MBD2: variants seen among roughly 807,000 people sequenced by gnomAD.
The protein encoded by MBD2 is methyl-CpG-binding domain protein 2.
Under a neutral mutation model 39.3 loss-of-function variants are expected in MBD2, and 9 were observed. The observed-to-expected ratio is 0.23, with a 90% CI of 0.14 to 0.40. The LOEUF (loss-of-function observed/expected upper bound fraction) is 0.40. MBD2 is among the 10% of genes least tolerant of loss of function. The probability of loss-of-function intolerance (pLI) is 1.00; values close to 1 mark genes in which losing one functional copy is unlikely to be tolerated. For synonymous variants in MBD2, 233 were observed against 211.1 expected (o/e 1.10, Z -0.90); for missense variants, 458 against 532.6 (o/e 0.86, Z 1.38).
intron 3 of MBD2, among the ~76,000 whole-genome samples, chr18:54,184,723 G>T (rs555649394): frequency 6.6e-6 from 1 of 152,266 alleles, no homozygotes; most frequent in African/African-American, 2.4e-5. Flanking sequence ...CTGTTCTAAA[G>T]ATTTCCTCAA....
At chr18:54,162,960 A>AT (rs869269036) in intron 5 of MBD2, among the ~76,000 whole-genome samples, 1 of 152,066 alleles carries the variant, frequency 6.6e-6, no homozygotes. Context: ...CTTTGTATGG[A>AT]TTTTTTTAAA....
intron 2 of MBD2, among the ~76,000 whole-genome samples, chr18:54,194,640 T>C (rs1007923204): frequency 6.6e-6 from 1 of 152,064 alleles, no homozygotes; most frequent in African/African-American, 2.4e-5. Flanking sequence ...ATTGCTAGAA[T>C]GGGACAAGGT....
At chr18:54,181,283 T>A (rs1397434833) in intron 3 of MBD2, among the ~76,000 whole-genome samples, 1 of 152,228 alleles carries the variant, frequency 6.6e-6, no homozygotes, top group Non-Finnish European at 1.5e-5. Flanking sequence ...CAGACTCTCT[T>A]GGGCTCTAGC....
At chr18:54,169,145 T>C (rs2086160395) in intron 3 of MBD2, among the ~76,000 whole-genome samples, 1 of 152,126 alleles carries the variant, frequency 6.6e-6, no homozygotes, top group South Asian at 2.1e-4. Context: ...GCAACTTCTT[T>C]GGGGTGCTAG....
intron 3 of MBD2, among the ~76,000 whole-genome samples, chr18:54,169,688 A>C (rs983966713): frequency 2.6e-5 from 4 of 152,212 alleles, no homozygotes; most frequent in Non-Finnish European, 4.4e-5. Flanking sequence ...CATAAATCCT[A>C]AACTACTCAC....
At position 54,205,983 on chromosome 18, in the gene MBD2, C is replaced by CAA. The variant is rs1158266374; in HGVS notation, c.543-828_543-827dup. Among the ~76,000 whole-genome samples, 4 of 150,296 alleles carry CAA rather than the reference C, an allele frequency of 2.7e-5. No homozygotes were observed. The East Asian group carries it at 7.7e-4, about 29-fold the overall frequency. On this transcript the variant is annotated intron_variant, in intron 1 of 6. Transcript: ENST00000256429. ...ACACACACACACACACACACACACA[C>CAA]AAATATGTGGAATCTATGTGATATC...
intron 3 of MBD2, among the ~76,000 whole-genome samples, chr18:54,177,572 C>G (rs952566617): frequency 1.3e-5 from 2 of 152,102 alleles, no homozygotes; most frequent in African/African-American, 4.8e-5. Context: ...GCTCCGCCTC[C>G]CGCGTTCACG....
chr18:54,215,363 CTTCTT>C (rs1568094751), intron 1 of MBD2, among the ~76,000 whole-genome samples: 1 of 152,082 alleles, frequency 6.6e-6, no homozygotes, highest in African/African-American at 2.4e-5. Flanking sequence ...TCATTTTTCT[CTTCTT>C]TTTTAATACA....
intron 1 of MBD2, among the ~76,000 whole-genome samples, chr18:54,206,113 A>G (rs531867770): frequency 2.0e-5 from 3 of 152,356 alleles, no homozygotes; most frequent in South Asian, 2.1e-4. Flanking sequence ...ACTAGAGCAA[A>G]TATTTGTGAA....
At chr18:54,178,693 A>G (rs1282134775) in intron 3 of MBD2, among the ~76,000 whole-genome samples, 3 of 152,164 alleles carry the variant, frequency 2.0e-5, no homozygotes, top group Non-Finnish European at 2.9e-5. Flanking sequence ...AATTTGATAG[A>G]ATTGGATTTG....
chr18:54,205,146 T>C lies in MBD2; in HGVS notation c.554A>G (p.Lys185Arg). 1 of 1,613,448 alleles carries C rather than the reference T, an allele frequency of 6.2e-7. No individual in the cohort carries two copies. The highest frequency in any genetic ancestry group is 2.2e-5 in the East Asian group (1 of 44,880). Residue 185 changes from lysine to arginine, a missense_variant, in exon 2 of 7, where the codon AAG (lysine) becomes AGG (arginine). Coordinates refer to ENST00000256429, the MANE Select transcript of MBD2 (RefSeq NM_003927.5). Reference sequence around the variant, plus strand: ...CAACTGAGGCTTGCTTCTGAACTTCTTACCACTTGGACTAGAAGAAAGTAA... The same window carrying C: ...CAACTGAGGCTTGCTTCTGAACTTCCTACCACTTGGACTAGAAGAAAGTAA... The part of the protein sequence containing the change: ...SDVYYFSPSG[K>R]KFRSKPQLAR...
chr18:54,218,435 C>G (rs1255285737), intron 1 of MBD2, among the ~76,000 whole-genome samples: 1 of 152,168 alleles, frequency 6.6e-6, no homozygotes, highest in Non-Finnish European at 1.5e-5. Flanking sequence ...CAATGGCACA[C>G]TAAGCCCAAT....
In MBD2 at chr18:54,224,009, G is replaced by T; in HGVS notation, c.542+9C>A. 1 of 969,790 alleles carries T rather than the reference G, an allele frequency of 1.0e-6. No homozygotes were observed. Among genetic ancestry groups the T allele is most frequent in the Non-Finnish European group, 1.5e-6 (1 of 659,840 alleles). 60.1% of individuals were successfully genotyped at this position (969,790 alleles called of 1,614,324 possible). A position where few individuals can be genotyped will look rare whatever the true frequency, so the allele number is the denominator to read the frequency against. Reference sequence around the variant, plus strand: ...CCCCGCCACCCCCTCCCCGCCCCCAGGGAGGTACCTGAAGTAGTAGACATC... The same window carrying T: ...CCCCGCCACCCCCTCCCCGCCCCCATGGAGGTACCTGAAGTAGTAGACATC... On this transcript the variant is annotated intron_variant, in intron 1 of 6. Coordinates refer to ENST00000256429, the MANE Select transcript of MBD2 (RefSeq NM_003927.5).
chr18:54,174,466 G>A (rs2086197765), intron 3 of MBD2, among the ~76,000 whole-genome samples: 1 of 152,200 alleles, frequency 6.6e-6, no homozygotes, highest in Non-Finnish European at 1.5e-5. Flanking sequence ...ATGGGCCTTA[G>A]AAGAACCAAT....
chr18:54,211,727 T>C (rs944877090), intron 1 of MBD2, among the ~76,000 whole-genome samples: 5 of 152,202 alleles, frequency 3.3e-5, no homozygotes. Flanking sequence ...CATTCTACAC[T>C]ATCCACATAG....
intron 5 of MBD2, among the ~76,000 whole-genome samples, chr18:54,162,196 A>C (rs2086102827): frequency 6.6e-6 from 1 of 152,244 alleles, no homozygotes; most frequent in Non-Finnish European, 1.5e-5. Context: ...CTGACCCCAC[A>C]GAACTTTAAG....
chr18:54,156,777 C>G (rs949473962), intron 6 of MBD2, among the ~76,000 whole-genome samples: 1 of 151,856 alleles, frequency 6.6e-6, no homozygotes, highest in East Asian at 1.9e-4. Flanking sequence ...CGCTTGAACC[C>G]GGGAGGCAGA....
chr18:54,189,906 C>G (rs1231718710), intron 2 of MBD2, among the ~76,000 whole-genome samples: 1 of 152,140 alleles, frequency 6.6e-6, no homozygotes, highest in Non-Finnish European at 1.5e-5. Flanking sequence ...GCCTCAGCCT[C>G]CCAAAGTGCT....
chr18:54,202,205 T>C (rs1302918488), intron 2 of MBD2, among the ~76,000 whole-genome samples: 1 of 151,956 alleles, frequency 6.6e-6, no homozygotes, highest in Non-Finnish European at 1.5e-5. Context: ...TAGCTAGGCG[T>C]GGTGGTGGGT....
Sources: gnomAD v4.1 joint callset for allele counts (sites outside exome capture counted in the v4.1 genomes callset) on GRCh38, gnomAD v4.1.1 for gene constraint, MANE v1.5 for transcripts, NCBI Gene and HGNC (gene_info 2026-07-23, HGNC 2026-07-21) for gene names.